The following CPA6 variants were observed in gnomAD, a reference collection of about 807,000 sequenced individuals.
CPA6 encodes the protein carboxypeptidase B.
Under a neutral mutation model 63.3 loss-of-function variants are expected in CPA6, and 58 were observed. The ratio of observed to expected loss-of-function variants is 0.92; its 90% CI spans 0.74 to 1.14. The LOEUF is 1.14. CPA6 is among the 50% of genes most tolerant of loss of function. CPA6 has a pLI of 0.00. For missense variants in CPA6, 565 were observed against 526.6 expected (o/e 1.07, Z -0.71); for synonymous variants, 185 against 179.0 (o/e 1.03, Z -0.27).
intron 2 of CPA6, among the ~76,000 whole-genome samples, chr8:67,559,333 G>C (rs992023520): frequency 7.9e-5 from 12 of 152,184 alleles, no homozygotes; most frequent in African/African-American, 2.4e-4. Flanking sequence ...ACCAATGAAA[G>C]CATTAATTAC....
At chr8:67,468,629 T>TAAA (rs1563964463) in intron 8 of CPA6, among the ~76,000 whole-genome samples, 3 of 120,486 alleles carry the variant, frequency 2.5e-5, no homozygotes, top group Non-Finnish European at 5.4e-5. Context: ...AATAAAATAA[T>TAAA]AATAATAAGA....
intron 1 of CPA6, among the ~76,000 whole-genome samples, chr8:67,679,717 C>A (rs114576899): frequency 1.3e-5 from 2 of 152,168 alleles, no homozygotes; most frequent in African/African-American, 4.8e-5. Context: ...ACACCCTCAC[C>A]AAGTTAAACA....
At chr8:67,446,262 C>T (rs1420347617) in intron 8 of CPA6, among the ~76,000 whole-genome samples, 1 of 140,752 alleles carries the variant, frequency 7.1e-6, no homozygotes, top group Non-Finnish European at 1.5e-5. Context: ...GAGACTCCAT[C>T]TAAAAAAAAA....
chr8:67,729,470 T>A (rs1817665357), intron 1 of CPA6, among the ~76,000 whole-genome samples: 1 of 152,222 alleles, frequency 6.6e-6, no homozygotes, highest in Non-Finnish European at 1.5e-5. Context: ...AAAACTTCCA[T>A]GTGCCTGTTA....
At chr8:67,547,403 T>A (rs1449050792) in intron 2 of CPA6, among the ~76,000 whole-genome samples, 1 of 152,208 alleles carries the variant, frequency 6.6e-6, no homozygotes, top group Non-Finnish European at 1.5e-5. Flanking sequence ...TCCTGGTACA[T>A]GGTAGATGCT....
intron 1 of CPA6, among the ~76,000 whole-genome samples, chr8:67,665,644 T>C (rs548731227): frequency 4.6e-5 from 7 of 152,374 alleles, no homozygotes; most frequent in Middle Eastern, 3.4e-3. Context: ...TTTCTTTTTA[T>C]GGCTTTGCTT....
At chr8:67,423,391 A>T (rs1275406410) in intron 10 of CPA6, among the ~76,000 whole-genome samples, 5 of 152,136 alleles carry the variant, frequency 3.3e-5, no homozygotes, top group Non-Finnish European at 1.5e-5. Context: ...GGCCCCAGAA[A>T]ACCTCCTTAT....
intron 1 of CPA6, among the ~76,000 whole-genome samples, chr8:67,651,009 T>C (rs1815824466): frequency 6.6e-6 from 1 of 152,170 alleles, no homozygotes; most frequent in African/African-American, 2.4e-5. Context: ...GGGATGTTAA[T>C]AGTAGCAGTC....
intron 1 of CPA6, among the ~76,000 whole-genome samples, chr8:67,737,492 G>A (rs1030073245): frequency 8.6e-5 from 13 of 151,934 alleles, no homozygotes; most frequent in Non-Finnish European, 1.6e-4. Flanking sequence ...GACTTCTCTG[G>A]CCTTCTGTCC....
chr8:67,440,513 G>T (rs1188784389), intron 8 of CPA6, among the ~76,000 whole-genome samples: 2 of 152,126 alleles, frequency 1.3e-5, no homozygotes, highest in Non-Finnish European at 2.9e-5. Flanking sequence ...GGAGTTTGAA[G>T]TGAGCCAAGA....
intron 6 of CPA6, among the ~76,000 whole-genome samples, chr8:67,505,987 A>C (rs755621822): frequency 4.6e-5 from 7 of 151,990 alleles, no homozygotes; most frequent in Non-Finnish European, 1.5e-5. Flanking sequence ...TTTCACTTTC[A>C]TTATCAGTAT....
intron 5 of CPA6, among the ~76,000 whole-genome samples, chr8:67,509,122 T>A (rs947553940): frequency 2.0e-5 from 3 of 152,054 alleles, no homozygotes; most frequent in African/African-American, 7.2e-5. Flanking sequence ...AAGGGGGAAA[T>A]CTGCCTTCAT....
rs76542635 is a variant in CPA6 at position 67,707,423 on chromosome 8, C to G, written c.116+38591G>C. ...TAACAATTAAGTATACTCCTATAAA[C>G]AAAATTTTGAGCATATTCCTCTCTA... On this transcript the variant is annotated intron_variant, in intron 1 of 10. Coordinates refer to ENST00000297770, the MANE Select transcript of CPA6 (RefSeq NM_020361.5). Among the ~76,000 whole-genome samples the G allele has an allele frequency of 9.5e-3, 1,450 of 152,294 alleles. 19 individuals are homozygous for G. Among genetic ancestry groups the G allele is most frequent in the African/African-American group, 0.033 (1,374 of 41,560 alleles).
intron 1 of CPA6, among the ~76,000 whole-genome samples, chr8:67,692,395 C>T (rs1413426194): frequency 6.6e-6 from 1 of 150,924 alleles, no homozygotes; most frequent in Non-Finnish European, 1.5e-5. Flanking sequence ...AGGCATATCT[C>T]ACTTGCTAAA....
intron 1 of CPA6, among the ~76,000 whole-genome samples, chr8:67,719,537 G>C (rs1162198421): frequency 2.6e-5 from 4 of 152,134 alleles, no homozygotes; most frequent in African/African-American, 9.7e-5. Context: ...GAGTTGCCCT[G>C]GTCCACTGAA....
At chr8:67,573,365 A>G (rs539777926) in intron 2 of CPA6, among the ~76,000 whole-genome samples, 1 of 152,368 alleles carries the variant, frequency 6.6e-6, no homozygotes, top group Admixed American at 6.5e-5. Context: ...TCTTATACAT[A>G]GAAAATCCTA....
At chr8:67,690,314 G>T (rs62511396) in intron 1 of CPA6, among the ~76,000 whole-genome samples, 5,261 of 152,206 alleles carry the variant, frequency 0.035, 118 homozygotes, top group Non-Finnish European at 0.046. Flanking sequence ...ATATTTTTAA[G>T]ATGTCGATGG....
chr8:67,716,010 T>C (rs1817369469), intron 1 of CPA6, among the ~76,000 whole-genome samples: 2 of 151,690 alleles, frequency 1.3e-5, no homozygotes, highest in South Asian at 4.2e-4. Flanking sequence ...AAAAATTAGC[T>C]GGGTGTGGTG....
intron 2 of CPA6, among the ~76,000 whole-genome samples, chr8:67,590,179 T>G (rs563741879): frequency 1.3e-5 from 2 of 152,146 alleles, no homozygotes; most frequent in South Asian, 2.1e-4. Flanking sequence ...TGAGAATGAT[T>G]ATTTCCAATT....
Sources: gnomAD v4.1 joint callset for allele counts (sites outside exome capture counted in the v4.1 genomes callset) on GRCh38, gnomAD v4.1.1 for gene constraint, MANE v1.5 for transcripts, NCBI Gene and HGNC (gene_info 2026-07-23, HGNC 2026-07-21) for gene names.